The following MTRR variants were observed in gnomAD, a reference collection of about 807,000 sequenced individuals.
MTRR encodes the protein 5-methyltetrahydrofolate-homocysteine methyltransferase reductase.
A neutral mutation model predicts 79.2 loss-of-function variants in MTRR; 63 were observed. The ratio of observed to expected loss-of-function variants is 0.80; its 90% confidence interval spans 0.65 to 0.98. The LOEUF (loss-of-function observed/expected upper bound fraction) is 0.98. MTRR is among the 50% of genes least tolerant of loss of function. The probability of loss-of-function intolerance (pLI) is 0.00; values close to 1 mark genes in which losing one functional copy is unlikely to be tolerated. For missense variants in MTRR, 895 were observed against 839.6 expected, an observed-to-expected ratio of 1.07 and a Z score of -0.82; for synonymous variants, 355 against 313.3, an observed-to-expected ratio of 1.13 and a Z score of -1.41.
At chr5:7,853,702 AG>A (rs927592957) in intron 1 of MTRR, among the ~76,000 whole-genome samples, 1 of 152,152 alleles carries the variant, frequency 6.6e-6, no homozygotes, top group African/African-American at 2.4e-5. Context: ...ATCAACATGG[AG>A]GCATGTTTCA....
rs190490559 is a variant in MTRR, at chr5:7,883,914, G to A, written c.903+637G>A. 3.0e-3 allele frequency among the ~76,000 whole-genome samples: 458 copies of A among 152,308 alleles called. 3 individuals are homozygous for A. The highest frequency in any genetic ancestry group is 0.011 in the African/African-American group (444 of 41,572). On this transcript the variant is annotated intron_variant, in intron 6 of 14. Transcript: ENST00000440940. ...CCTAAGGTCAAACGAGGTGGCTCTC[G>A]CCTATAATCCCAGCACTTTGGGAGG...
intron 1 of MTRR, among the ~76,000 whole-genome samples, chr5:7,860,331 C>G (rs1007731739): frequency 2.6e-5 from 4 of 152,166 alleles, no homozygotes; most frequent in African/African-American, 9.7e-5. Flanking sequence ...ATAAGACCTT[C>G]TTACATTATC....
intron 1 of MTRR, among the ~76,000 whole-genome samples, chr5:7,852,778 T>C (rs1429382418): frequency 6.6e-6 from 1 of 152,078 alleles, no homozygotes; most frequent in African/African-American, 2.4e-5. Context: ...ACTGCCTCTC[T>C]CAACTTCTCT....
chr5:7,883,130 C>T (rs369343311), intron 5 of MTRR, 25 bp from the exon 6 acceptor site: 99 of 1,614,030 alleles, frequency 6.1e-5, no homozygotes, highest in Admixed American at 1.5e-4. Flanking sequence ...ATTGCACTTA[C>T]GTTTTGTCAC....
intron 1 of MTRR, among the ~76,000 whole-genome samples, chr5:7,857,890 G>A (rs1746297320): frequency 1.3e-5 from 2 of 152,184 alleles, no homozygotes; most frequent in African/African-American, 4.8e-5. Context: ...TGATTCTGAT[G>A]AGCAAACAGG....
intron 12 of MTRR, 124 bp downstream of exon 12, chr5:7,895,976 G>A (rs570222527): frequency 3.5e-5 from 43 of 1,234,204 alleles, no homozygotes; most frequent in Non-Finnish European, 4.4e-5. Context: ...TTCAATGTGC[G>A]ATAACATAAT....
upstream of MTRR, chr5:7,866,939 A>G (rs1471112256): frequency 1.2e-6 from 2 of 1,614,114 alleles, no homozygotes; most frequent in Non-Finnish European, 1.7e-6. Context: ...TGAAAGAATC[A>G]GTTCTCTACT....
Position 7,900,591 on chromosome 5 carries a change from A to G in MTRR, c.*533A>G, listed in dbSNP as rs963979406. ...CAAATGGTTATTTGTTACTAAAGCT[A>G]TATTTCTGATAAAAAATATTTTAGG... is the stretch of plus-strand genomic sequence containing the variant. On this transcript the variant is annotated 3_prime_UTR_variant, in exon 15 of 15. Transcript: ENST00000440940. 1 of 153,238 alleles carries G rather than the reference A, an allele frequency of 6.5e-6. No individual in the cohort carries two copies. The highest frequency in any genetic ancestry group is 6.5e-5 in the Admixed American group (1 of 15,382). The allele number at this position is 153,238 out of a possible 1,614,324, so 9.5% of individuals were successfully genotyped here.
upstream of MTRR, chr5:7,869,008 G>A: frequency 8.8e-7 from 1 of 1,141,720 alleles, no homozygotes; most frequent in South Asian, 1.2e-5. Context: ...ACTCCGGGTG[G>A]TCGCGGAAGC....
At chr5:7,888,963 A>G (rs1737080966) in intron 8 of MTRR, 132 bp from the exon 9 acceptor site, 2 of 959,926 alleles carry the variant, frequency 2.1e-6, no homozygotes, top group South Asian at 1.4e-5. Context: ...CCTCCTCCTG[A>G]CAATAGCTCC....
intron 9 of MTRR, among the ~76,000 whole-genome samples, chr5:7,891,088 C>T (rs1444845768): frequency 6.6e-6 from 1 of 151,940 alleles, no homozygotes; most frequent in South Asian, 2.1e-4. Context: ...AACTTATGGA[C>T]CCATTCCTAG....
chr5:7,873,656 A>G (rs1205956404), intron 3 of MTRR, 130 bp downstream of exon 3: 4 of 1,063,608 alleles, frequency 3.8e-6, no homozygotes, highest in Non-Finnish European at 4.2e-6. Context: ...ATGTATATGT[A>G]TATATAAATG....
chr5:7,864,354 T>C (rs911217440), upstream of MTRR, among the ~76,000 whole-genome samples: 2 of 152,096 alleles, frequency 1.3e-5, no homozygotes, highest in African/African-American at 4.8e-5. Flanking sequence ...TAAATAAAAT[T>C]TAAAAGATAT....
At chr5:7,873,719 C>T (rs1463340569) in intron 3 of MTRR, among the ~76,000 whole-genome samples, 193 bp downstream of exon 3, 1 of 152,198 alleles carries the variant, frequency 6.6e-6, no homozygotes, top group East Asian at 1.9e-4. Flanking sequence ...CCCAGAGCCA[C>T]ACCTCTGCAG....
At chr5:7,879,221 C>A (rs1735118749) in intron 5 of MTRR, among the ~76,000 whole-genome samples, 1 of 152,070 alleles carries the variant, frequency 6.6e-6, no homozygotes, top group African/African-American at 2.4e-5. Flanking sequence ...GTATCTCAGT[C>A]TGGTTTGGGA....
intron 3 of MTRR, among the ~76,000 whole-genome samples, chr5:7,874,692 T>A (rs982376994): frequency 1.2e-4 from 18 of 151,292 alleles, no homozygotes; most frequent in African/African-American, 3.9e-4. Context: ...TTTATATGGC[T>A]GGTGTACCTT....
At chr5:7,864,270 A>C (rs988964553), upstream of MTRR, among the ~76,000 whole-genome samples, 1 of 147,770 alleles carries the variant, frequency 6.8e-6, no homozygotes, top group Non-Finnish European at 1.5e-5. Context: ...CAACATGAAC[A>C]TAATAAGTAT....
In MTRR at chr5:7,897,205, C is replaced by T. The variant is rs764159535; in HGVS notation, c.1910C>T (p.Ala637Val). The T allele has an allele frequency of 6.2e-7, 1 of 1,614,004 alleles. No homozygotes were observed. The highest frequency in any genetic ancestry group is 1.1e-5 in the South Asian group (1 of 91,068). The change falls in exon 14 of 15, where the codon GCG becomes GTG. Residue 637 changes from alanine to valine, a missense_variant. By Grantham distance (64) the Ala-to-Val change is moderately conservative. Coordinates refer to ENST00000440940, the MANE Select transcript of MTRR (RefSeq NM_002454.3). ...ATCCAGCTTCATGGCCAGCAGGTGG[C>T]GAGAATCCTCCTCCAGGAGAACGGC... The part of the protein sequence containing the change: ...DNIQLHGQQV[A>V]RILLQENGHI...
intron 3 of MTRR, 64 bp from the exon 4 acceptor site, chr5:7,875,194 C>T (rs2303079): frequency 7.8e-6 from 8 of 1,029,102 alleles, no homozygotes; most frequent in East Asian, 2.4e-5. Context: ...ATTTTATTTA[C>T]CTAGTCTTTG....
Sources: allele counts gnomAD v4.1 joint callset (sites outside exome capture counted in the v4.1 genomes callset), GRCh38; gene constraint gnomAD v4.1.1; transcripts MANE v1.5; gene names NCBI Gene and HGNC (gene_info 2026-07-23, HGNC 2026-07-21).